Variants in GPC5 observed in about 807,000 individuals in gnomAD.
GPC5 encodes the protein glypican 5.
GPC5 carries 47 observed loss-of-function variants against 53.9 expected under a neutral mutation model. The observed-to-expected ratio is 0.87, with a 90% confidence interval of 0.69 to 1.11. The LOEUF (loss-of-function observed/expected upper bound fraction) is 1.11, where lower values mean the gene tolerates loss of function less well. Ranked by LOEUF, GPC5 falls within the 50% of genes most tolerant of loss-of-function variation. The pLI is 0.00. For missense variants in GPC5, 748 were observed against 713.1 expected (o/e 1.05, Z -0.56); for synonymous variants, 286 against 263.3 (o/e 1.09, Z -0.84).
intron 7 of GPC5, among the ~76,000 whole-genome samples, chr13:92,732,162 T>C (rs755609834): frequency 6.6e-6 from 1 of 151,486 alleles, no homozygotes; most frequent in Non-Finnish European, 1.5e-5. Flanking sequence ...TATTCCTCTC[T>C]TACCACTTTC....
intron 7 of GPC5, among the ~76,000 whole-genome samples, chr13:92,247,179 AT>A (rs1055186967): frequency 6.6e-6 from 1 of 152,140 alleles, no homozygotes; most frequent in Non-Finnish European, 1.5e-5. Context: ...GAAAATAAAG[AT>A]GACTGCAGAG....
intron 7 of GPC5, among the ~76,000 whole-genome samples, chr13:92,730,587 C>CT (rs1399476992): frequency 6.7e-6 from 1 of 148,834 alleles, no homozygotes; most frequent in African/African-American, 2.4e-5. Context: ...TCCAGACTTG[C>CT]TTTTTTCTTT....
intron 6 of GPC5, among the ~76,000 whole-genome samples, chr13:91,973,299 C>T (rs1476925496): frequency 2.0e-4 from 30 of 152,182 alleles, no homozygotes; most frequent in Admixed American, 6.5e-5. Flanking sequence ...AGTTCTCGAG[C>T]CTTGGCTTTC....
At chr13:92,331,600 T>C (rs952206822) in intron 7 of GPC5, among the ~76,000 whole-genome samples, 6 of 152,252 alleles carry the variant, frequency 3.9e-5, no homozygotes, top group African/African-American at 1.4e-4. Context: ...TCCCTCCTAG[T>C]TGTGCTTCAT....
chr13:91,566,654 G>A (rs531852736), intron 2 of GPC5, among the ~76,000 whole-genome samples: 1 of 152,214 alleles, frequency 6.6e-6, no homozygotes, highest in East Asian at 1.9e-4. Flanking sequence ...AAGCACCACA[G>A]GTATTTCTGA....
chr13:92,646,546 A>G (rs1469652076), intron 7 of GPC5, among the ~76,000 whole-genome samples: 4 of 152,162 alleles, frequency 2.6e-5, no homozygotes, highest in Admixed American at 2.0e-4. Context: ...CAATTCAACA[A>G]AAATACCTGA....
In GPC5 at chr13:91,399,448, G is replaced by A. The variant is rs553547943; in HGVS notation, c.163+239G>A. On this transcript the variant is annotated intron_variant, in intron 1 of 7. Transcript: ENST00000377067. ...TCCCCGTTCTGGGCATCTGCTTCCC[G>A]CCCGGCTCCCTTCGTCTTGGAGGAT... is the stretch of plus-strand genomic sequence containing the variant. Among the ~76,000 whole-genome samples the A allele has an allele frequency of 2.6e-5, 4 of 152,300 alleles. No homozygotes were observed. In the South Asian group the frequency reaches 8.3e-4, roughly 32 times the overall value.
intron 2 of GPC5, among the ~76,000 whole-genome samples, chr13:91,460,780 C>T (rs912197831): frequency 1.1e-3 from 162 of 150,430 alleles, no homozygotes; most frequent in African/African-American, 3.8e-3. Context: ...TTTCTATAGG[C>T]TTGGGGGAAT....
At chr13:91,989,196 G>T (rs1284797298) in intron 6 of GPC5, among the ~76,000 whole-genome samples, 2 of 152,060 alleles carry the variant, frequency 1.3e-5, no homozygotes, top group African/African-American at 4.8e-5. Flanking sequence ...TATAAAGTAG[G>T]TTTTTTACTG....
At chr13:92,764,121 C>T (rs1372120944) in intron 7 of GPC5, among the ~76,000 whole-genome samples, 2 of 152,150 alleles carry the variant, frequency 1.3e-5, no homozygotes, top group Non-Finnish European at 2.9e-5. Flanking sequence ...GCCAAGGCAT[C>T]GGTTTTCTAG....
chr13:92,516,429 G>A lies in GPC5; in HGVS notation c.1562-349853G>A, dbSNP rs1880784734. 2.0e-5 allele frequency among the ~76,000 whole-genome samples: 3 copies of A among 152,076 alleles called. No individual in the cohort carries two copies. In the South Asian group the frequency reaches 6.2e-4, roughly 31 times the overall value. ...ACTAATGCACTTGATATATTATGGG[G>A]ATAAAACTTCTTCCTGCTAGAGTCA... is the stretch of plus-strand genomic sequence containing the variant. On this transcript the variant is annotated intron_variant, in intron 7 of 7. Coordinates refer to ENST00000377067, the MANE Select transcript of GPC5 (RefSeq NM_004466.6).
intron 6 of GPC5, among the ~76,000 whole-genome samples, chr13:92,109,204 C>G (rs1314736300): frequency 1.3e-5 from 2 of 151,270 alleles, no homozygotes; most frequent in African/African-American, 2.4e-5. Context: ...GTAGCTGGGA[C>G]TACAGGCACT....
intron 7 of GPC5, among the ~76,000 whole-genome samples, chr13:92,554,265 C>A (rs908638829): frequency 6.6e-6 from 1 of 151,844 alleles, no homozygotes; most frequent in African/African-American, 2.4e-5. Context: ...GCTGTGTACT[C>A]TTCTATCTAT....
In GPC5 at chr13:92,483,162, T is replaced by C. The variant is rs144192074; in HGVS notation, c.1561+338173T>C. Among the ~76,000 whole-genome samples the C allele has an allele frequency of 2.9e-3, 436 of 152,280 alleles. 1 individual carries two copies. The highest frequency in any genetic ancestry group is 9.9e-3 in the African/African-American group (413 of 41,542). On this transcript the variant is annotated intron_variant, in intron 7 of 7. Transcript: ENST00000377067. ...CCTTGACATGTGGGGATTATTACAA[T>C]TCAAGGTGAAATTTGGGTGAGGACA...
chr13:91,922,306 T>G (rs1159683912), intron 6 of GPC5, among the ~76,000 whole-genome samples: 1 of 152,162 alleles, frequency 6.6e-6, no homozygotes, highest in Non-Finnish European at 1.5e-5. Context: ...ATAAACTTTT[T>G]TTAAAAAAAA....
intron 5 of GPC5, among the ~76,000 whole-genome samples, chr13:91,902,011 TA>T (rs2039503069): frequency 6.6e-6 from 1 of 152,044 alleles, no homozygotes; most frequent in South Asian, 2.1e-4. Flanking sequence ...CCTCATCTAC[TA>T]TTAATGATTT....
chr13:91,622,262 T>G (rs1348912312), intron 2 of GPC5, among the ~76,000 whole-genome samples: 1 of 152,108 alleles, frequency 6.6e-6, no homozygotes, highest in East Asian at 1.9e-4. Flanking sequence ...AAGTTGACAC[T>G]CAGTATTAAT....
At chr13:92,441,469 T>C (rs1229975205) in intron 7 of GPC5, among the ~76,000 whole-genome samples, 1 of 152,200 alleles carries the variant, frequency 6.6e-6, no homozygotes, top group Non-Finnish European at 1.5e-5. Flanking sequence ...CTAGAACTAA[T>C]AAACAACTTC....
At chr13:92,794,023 A>G (rs1289708447) in intron 7 of GPC5, among the ~76,000 whole-genome samples, 1 of 152,172 alleles carries the variant, frequency 6.6e-6, no homozygotes, top group Admixed American at 6.5e-5. Flanking sequence ...AATCCTCCCT[A>G]ACTCATCTTA....
Sources: allele counts gnomAD v4.1 joint callset (sites outside exome capture counted in the v4.1 genomes callset), GRCh38; gene constraint gnomAD v4.1.1; transcripts MANE v1.5; gene names NCBI Gene and HGNC (gene_info 2026-07-23, HGNC 2026-07-21).